The following PSD3 variants were observed in gnomAD, a reference collection of about 807,000 sequenced individuals.
PSD3 encodes the protein pleckstrin and Sec7 domain containing 3, also known as PH and SEC7 domain-containing protein 3.
In PSD3, 49 loss-of-function variants were observed where a neutral mutation model predicts 105.5. That is an observed-to-expected ratio of 0.46 (90% CI 0.37 to 0.59). PSD3 has a LOEUF of 0.59. Ranked by LOEUF, PSD3 falls within the 20% of genes least tolerant of loss-of-function variation. The probability of loss-of-function intolerance (pLI) is 0.00; values close to 1 mark genes in which losing one functional copy is unlikely to be tolerated. For synonymous variants in PSD3, 557 were observed against 457.8 expected (o/e 1.22, Z -2.77); for missense variants, 1,561 against 1,263.8 (o/e 1.24, Z -3.57).
At chr8:18,665,056 T>A (rs1799370827) in intron 9 of PSD3, among the ~76,000 whole-genome samples, 1 of 152,228 alleles carries the variant, frequency 6.6e-6, no homozygotes, top group South Asian at 2.1e-4. Context: ...TGACTGTTGT[T>A]TTCATGCCTG....
intron 15 of PSD3, among the ~76,000 whole-genome samples, chr8:18,547,222 G>A (rs910369323): frequency 6.6e-6 from 1 of 152,160 alleles, no homozygotes; most frequent in Non-Finnish European, 1.5e-5. Context: ...TCTAGCAGTG[G>A]ATCTGGTTTC....
At chr8:19,048,313 T>C (rs1828396743) in intron 1 of PSD3, among the ~76,000 whole-genome samples, 1 of 152,190 alleles carries the variant, frequency 6.6e-6, no homozygotes, top group South Asian at 2.1e-4. Context: ...TAAGAGCACC[T>C]AAAGATGTTT....
intron 2 of PSD3, among the ~76,000 whole-genome samples, chr8:18,914,921 GGAGGCATCACGTTACTT>G (rs1381755325): frequency 7.9e-5 from 12 of 152,086 alleles, no homozygotes; most frequent in Non-Finnish European, 1.5e-4. Context: ...AAACAAAGCT[GGAGGCATCACGTTACTT>G]GACTGCAAAA....
At chr8:18,804,240 T>C (rs1810991670) in intron 6 of PSD3, 1 of 287,546 alleles carries the variant, frequency 3.5e-6, no homozygotes, top group African/African-American at 2.2e-5. Context: ...CTACAACACT[T>C]TTCAGTGCTG....
chr8:18,736,028 T>C (rs1269480086), intron 9 of PSD3, among the ~76,000 whole-genome samples: 2 of 152,196 alleles, frequency 1.3e-5, no homozygotes, highest in South Asian at 4.1e-4. Flanking sequence ...ATTGTTTTTA[T>C]GGAAAGTAGC....
intron 4 of PSD3, among the ~76,000 whole-genome samples, chr8:18,835,862 C>T (rs571468493): frequency 9.2e-5 from 14 of 152,210 alleles, no homozygotes; most frequent in African/African-American, 9.6e-5. Flanking sequence ...GGCCACAGAG[C>T]GGTGTATGCG....
At chr8:18,825,593 T>C (rs1295076549) in intron 4 of PSD3, among the ~76,000 whole-genome samples, 4 of 152,234 alleles carry the variant, frequency 2.6e-5, no homozygotes, top group South Asian at 4.1e-4. Context: ...GTATTTTGAA[T>C]GAAGATGATT....
intron 12 of PSD3, among the ~76,000 whole-genome samples, chr8:18,597,052 A>C (rs1172580727): frequency 6.6e-6 from 1 of 152,180 alleles, no homozygotes; most frequent in Non-Finnish European, 1.5e-5. Flanking sequence ...ATGAGCATAA[A>C]TGCAAAAACT....
In PSD3 at chr8:18,529,409, CTG is replaced by C. The variant is rs1359974358; in HGVS notation, c.*6332_*6333del. ...ATGTTTGTATAACTTAAAACATTCA[CTG>C]TGTGTGCATGTGTGCAAGCATGTGT... On this transcript the variant is annotated 3_prime_UTR_variant, in exon 16 of 16. Transcript: ENST00000327040. The C allele has an allele frequency of 2.0e-5, 3 of 152,308 alleles. No homozygotes were observed. Among genetic ancestry groups the C allele is most frequent in the African/African-American group, 7.2e-5 (3 of 41,408 alleles). The allele number at this position is 152,308 out of a possible 1,614,324, so 9.4% of individuals were successfully genotyped here.
At chr8:18,792,111 T>C (rs1044172110) in intron 8 of PSD3, among the ~76,000 whole-genome samples, 5 of 152,178 alleles carry the variant, frequency 3.3e-5, no homozygotes, top group Non-Finnish European at 5.9e-5. Context: ...TTTTACGCTG[T>C]TGGTGGGAGT....
intron 9 of PSD3, among the ~76,000 whole-genome samples, chr8:18,736,423 T>G (rs1174528814): frequency 6.6e-6 from 1 of 152,206 alleles, no homozygotes; most frequent in Non-Finnish European, 1.5e-5. Flanking sequence ...GCTGGGAATT[T>G]TATCATCAAC....
intron 1 of PSD3, among the ~76,000 whole-genome samples, chr8:19,012,012 G>A (rs1278041411): frequency 6.6e-6 from 1 of 152,194 alleles, no homozygotes; most frequent in African/African-American, 2.4e-5. Flanking sequence ...CTCTGAAAGA[G>A]CATCTACCTA....
At chr8:19,082,303 G>C (rs994292947) in intron 1 of PSD3, among the ~76,000 whole-genome samples, 1 of 152,152 alleles carries the variant, frequency 6.6e-6, no homozygotes, top group Non-Finnish European at 1.5e-5. Context: ...CTGACTCCAT[G>C]GGTTCCCTGG....
intron 10 of PSD3, among the ~76,000 whole-genome samples, chr8:18,655,046 G>T (rs188042832): frequency 1.6e-4 from 25 of 152,072 alleles, no homozygotes; most frequent in African/African-American, 5.8e-4. Flanking sequence ...ATTTAAGGCC[G>T]GGCGTGGTCG....
intron 11 of PSD3, among the ~76,000 whole-genome samples, chr8:18,627,819 C>A (rs891084474): frequency 1.8e-4 from 27 of 147,194 alleles, no homozygotes; most frequent in Non-Finnish European, 2.8e-4. Context: ...GAAAAAAAAA[C>A]CAACTATGAC....
At chr8:18,966,145 G>C (rs1824229570) in intron 1 of PSD3, among the ~76,000 whole-genome samples, 2 of 152,154 alleles carry the variant, frequency 1.3e-5, no homozygotes, top group African/African-American at 4.8e-5. Flanking sequence ...ACTATACCAG[G>C]CTATTTGAAA....
chr8:18,877,867 C>T (rs1244023550), intron 2 of PSD3, among the ~76,000 whole-genome samples: 1 of 152,168 alleles, frequency 6.6e-6, no homozygotes, highest in Non-Finnish European at 1.5e-5. Context: ...GCCAGAATAA[C>T]ACTGTCTTCA....
chr8:18,799,279 A>C lies in PSD3; in HGVS notation c.2082+16T>G. 1 of 1,588,068 alleles carries C rather than the reference A, an allele frequency of 6.3e-7. No individual in the cohort carries two copies. Among genetic ancestry groups the C allele is most frequent in the Non-Finnish European group, 8.6e-7 (1 of 1,156,356 alleles). On this transcript the variant is annotated intron_variant, in intron 8 of 15. Coordinates refer to ENST00000327040, the MANE Select transcript of PSD3 (RefSeq NM_015310.4). ...CCGACATGTTTTGGATCTAAGTTTC[A>C]CAAATCCACACTTACGTGGCCATGT...
At chr8:18,638,008 T>C (rs2130788268) in intron 10 of PSD3, among the ~76,000 whole-genome samples, 1 of 151,986 alleles carries the variant, frequency 6.6e-6, no homozygotes, top group Non-Finnish European at 1.5e-5. Flanking sequence ...ATACAAATAT[T>C]AGCCCACTGC....
Sources: gnomAD v4.1 joint callset for allele counts (sites outside exome capture counted in the v4.1 genomes callset) on GRCh38, gnomAD v4.1.1 for gene constraint, MANE v1.5 for transcripts, NCBI Gene and HGNC (gene_info 2026-07-23, HGNC 2026-07-21) for gene names.